Variants in AOAH observed in about 807,000 individuals in gnomAD.
AOAH encodes acyloxyacyl hydrolase (neutrophil).
AOAH carries 64 observed loss-of-function variants against 92.2 expected under a neutral mutation model. The ratio of observed to expected loss-of-function variants is 0.69; its 90% CI spans 0.57 to 0.86. The LOEUF (loss-of-function observed/expected upper bound fraction) is 0.86. Ranked by LOEUF, AOAH falls within the 40% of genes least tolerant of loss-of-function variation. The pLI, the probability that AOAH is intolerant of heterozygous loss-of-function variation, is 0.00. For synonymous variants in AOAH, 263 were observed against 254.5 expected (o/e 1.03, Z -0.32); for missense variants, 656 against 694.6 (o/e 0.94, Z 0.62).
intron 12 of AOAH, among the ~76,000 whole-genome samples, chr7:36,592,364 T>A (rs1789804629): frequency 6.6e-6 from 1 of 152,132 alleles, no homozygotes; most frequent in Admixed American, 6.5e-5. Context: ...AGGCTAGGAC[T>A]CAGAAAGTCC....
chr7:36,627,381 G>T, intron 6 of AOAH, among the ~76,000 whole-genome samples: 1 of 152,254 alleles, frequency 6.6e-6, no homozygotes. Flanking sequence ...TTCTTTCAAC[G>T]TAGCTCCGGG....
intron 20 of AOAH, among the ~76,000 whole-genome samples, chr7:36,519,157 C>T (rs961888602): frequency 1.3e-5 from 2 of 152,244 alleles, no homozygotes; most frequent in Non-Finnish European, 2.9e-5. Flanking sequence ...CATCCAGTGG[C>T]TCCCCATGTC....
rs59205788 is a variant in AOAH at position 36,517,214 on chromosome 7, C to CTTTCTTTCTTTCTTTTTTCTCTT, written c.1600-3835_1600-3834insAAGAGAAAAAAGAAAGAAAGAAA. Among the ~76,000 whole-genome samples, 5 of 104,894 alleles carry CTTTCTTTCTTTCTTTTTTCTCTT rather than the reference C, an allele frequency of 4.8e-5. 1 individual carries two copies. The South Asian group carries it at 1.7e-3, about 35-fold the overall frequency. The allele number at this position is 104,894 out of a possible 152,430, so 68.8% of individuals were successfully genotyped here. On this transcript the variant is annotated intron_variant, in intron 20 of 20. Coordinates refer to ENST00000617537, the MANE Select transcript of AOAH (RefSeq NM_001637.4). ...TCTTTCTTTCTTTCTTTCTTTCTTTCTCTTTCTTTCTGTCTCTCTCTCTCT... is the reference window on the plus strand; with the variant it reads ...TCTTTCTTTCTTTCTTTCTTTCTTTCTTTCTTTCTTTCTTTTTTCTCTTTCTTTCTTTCTGTCTCTCTCTCTCT...
At chr7:36,696,871 C>A (rs56309624) in intron 1 of AOAH, among the ~76,000 whole-genome samples, 84,730 of 148,162 alleles carry the variant, frequency 0.57, 24,190 homozygotes, top group East Asian at 0.83. Context: ...TCTCCAGAAA[C>A]AAAAAAATCA....
At chr7:36,626,613 A>C (rs1346973394) in intron 6 of AOAH, among the ~76,000 whole-genome samples, 1 of 152,246 alleles carries the variant, frequency 6.6e-6, no homozygotes, top group African/African-American at 2.4e-5. Context: ...AAGCTTTATC[A>C]TACTTAGTGT....
At chr7:36,541,612 T>C (rs892188861) in intron 15 of AOAH, among the ~76,000 whole-genome samples, 1 of 152,252 alleles carries the variant, frequency 6.6e-6, no homozygotes, top group Non-Finnish European at 1.5e-5. Flanking sequence ...ACCACCTGGG[T>C]GATGAGGTAA....
At chr7:36,678,081 C>T (rs1298833898) in intron 2 of AOAH, among the ~76,000 whole-genome samples, 8 of 152,188 alleles carry the variant, frequency 5.3e-5, no homozygotes, top group Non-Finnish European at 1.0e-4. Flanking sequence ...AAATTGTACA[C>T]TTTAAATGAG....
chr7:36,534,370 C>T (rs1583751455), intron 16 of AOAH, among the ~76,000 whole-genome samples: 1 of 152,334 alleles, frequency 6.6e-6, no homozygotes, highest in African/African-American at 2.4e-5. Context: ...ATGGGAACAT[C>T]CTTAGTGTGG....
intron 4 of AOAH, among the ~76,000 whole-genome samples, chr7:36,645,128 C>G (rs75606720): frequency 6.6e-5 from 10 of 152,108 alleles, no homozygotes; most frequent in South Asian, 2.1e-4. Flanking sequence ...CTGTGCCCCC[C>G]ACCCCAACCA....
chr7:36,683,261 A>T (rs962811350), intron 2 of AOAH, among the ~76,000 whole-genome samples: 6 of 152,218 alleles, frequency 3.9e-5, no homozygotes, highest in Non-Finnish European at 8.8e-5. Flanking sequence ...ACATGCAAGA[A>T]TTCAAGGAAT....
chr7:36,595,015 T>C (rs1004805706), intron 11 of AOAH, among the ~76,000 whole-genome samples: 8 of 152,150 alleles, frequency 5.3e-5, no homozygotes, highest in Non-Finnish European at 1.0e-4. Context: ...CTGCACAATT[T>C]GTCAAGAACT....
chr7:36,527,077 A>G (rs561634924), intron 19 of AOAH, among the ~76,000 whole-genome samples: 1 of 152,312 alleles, frequency 6.6e-6, no homozygotes, highest in Non-Finnish European at 1.5e-5. Context: ...TCACCTGCTC[A>G]AGTTGGCATT....
At chr7:36,678,237 C>T (rs1218283726) in intron 2 of AOAH, among the ~76,000 whole-genome samples, 1 of 152,198 alleles carries the variant, frequency 6.6e-6, no homozygotes, top group Non-Finnish European at 1.5e-5. Flanking sequence ...GCATTTCATT[C>T]AGTACCAGCC....
intron 13 of AOAH, among the ~76,000 whole-genome samples, chr7:36,569,210 G>A (rs1388685072): frequency 6.6e-6 from 1 of 152,134 alleles, no homozygotes; most frequent in African/African-American, 2.4e-5. Flanking sequence ...ACCCCAAAGA[G>A]GTGTGTATAT....
chr7:36,681,945 T>C (rs1329847337), intron 2 of AOAH, among the ~76,000 whole-genome samples: 1 of 152,176 alleles, frequency 6.6e-6, no homozygotes, highest in Non-Finnish European at 1.5e-5. Context: ...GCAAGACCTA[T>C]GGGCCATCAA....
intron 11 of AOAH, among the ~76,000 whole-genome samples, chr7:36,602,028 T>C (rs1403807764): frequency 6.6e-6 from 1 of 152,224 alleles, no homozygotes; most frequent in Non-Finnish European, 1.5e-5. Context: ...CCTGGTACGA[T>C]GCTTATTCGA....
At chr7:36,628,716 G>C (rs1010954456) in intron 6 of AOAH, among the ~76,000 whole-genome samples, 3 of 152,228 alleles carry the variant, frequency 2.0e-5, no homozygotes, top group African/African-American at 7.2e-5. Flanking sequence ...GCATTAGACC[G>C]AATGGGACGG....
chr7:36,521,217 G>A lies in AOAH; in HGVS notation c.1599+822C>T, dbSNP rs139139257. 1.1e-4 allele frequency among the ~76,000 whole-genome samples: 17 copies of A among 152,262 alleles called. No homozygotes were observed. The East Asian group carries it at 2.7e-3, about 24-fold the overall frequency. On this transcript the variant is annotated intron_variant, in intron 20 of 20. Coordinates refer to ENST00000617537, the MANE Select transcript of AOAH (RefSeq NM_001637.4). ...GGTAGCCACACCATGCTTCCCCCAC[G>A]GCTGGAGCAGAAAGGCTCTAGTGAT...
chr7:36,709,477 C>T (rs905825941), intron 1 of AOAH, among the ~76,000 whole-genome samples: 8 of 152,150 alleles, frequency 5.3e-5, no homozygotes, highest in African/African-American at 9.7e-5. Context: ...TGATTTCCTG[C>T]GCCCTGAAAT....
Sources: gnomAD v4.1 joint callset for allele counts (sites outside exome capture counted in the v4.1 genomes callset) on GRCh38, gnomAD v4.1.1 for gene constraint, MANE v1.5 for transcripts, NCBI Gene and HGNC (gene_info 2026-07-23, HGNC 2026-07-21) for gene names.